VPS13B: variants seen among roughly 807,000 people sequenced by gnomAD.
The protein encoded by VPS13B is vacuolar protein sorting 13 homolog B, also known as intermembrane lipid transfer protein VPS13B.
Under a neutral mutation model 426.4 loss-of-function variants are expected in VPS13B, and 285 were observed. The observed-to-expected ratio is 0.67, with a 90% CI of 0.61 to 0.74. The LOEUF (loss-of-function observed/expected upper bound fraction) is 0.74, where lower values mean the gene tolerates loss of function less well. Ranked by LOEUF, VPS13B falls within the 30% of genes least tolerant of loss-of-function variation. The probability of loss-of-function intolerance (pLI) is 0.00; values close to 1 mark genes in which losing one functional copy is unlikely to be tolerated. For synonymous variants in VPS13B, 1,676 were observed against 1,676.4 expected, an observed-to-expected ratio of 1.00 and a Z score of 0.01; for missense variants, 4,537 against 4,782.6, an observed-to-expected ratio of 0.95 and a Z score of 1.51.
chr8:99,086,409 C>T (rs1845804025), intron 3 of VPS13B, among the ~76,000 whole-genome samples: 1 of 152,004 alleles, frequency 6.6e-6, no homozygotes, highest in Non-Finnish European at 1.5e-5. Flanking sequence ...TTCGAACTTC[C>T]TCCTTTAGCT....
At chr8:99,870,495 C>G (rs76837451) in intron 59 of VPS13B, among the ~76,000 whole-genome samples, 5,269 of 152,236 alleles carry the variant, frequency 0.035, 108 homozygotes, top group Non-Finnish European at 0.041. Context: ...AAAATGATGT[C>G]TAGGCTATTG....
intron 33 of VPS13B, among the ~76,000 whole-genome samples, chr8:99,628,884 C>T (rs1828725901): frequency 6.6e-6 from 1 of 151,962 alleles, no homozygotes; most frequent in Non-Finnish European, 1.5e-5. Context: ...CTCAAGCTAT[C>T]CTCCCAAGTA....
intron 19 of VPS13B, among the ~76,000 whole-genome samples, chr8:99,306,382 T>C (rs545350151): frequency 1.3e-5 from 2 of 151,988 alleles, no homozygotes; most frequent in African/African-American, 4.8e-5. Flanking sequence ...TATTTGACTA[T>C]TAAGTGAGAA....
At chr8:99,378,111 A>AC (rs1380461663) in intron 19 of VPS13B, among the ~76,000 whole-genome samples, 2 of 109,502 alleles carry the variant, frequency 1.8e-5, no homozygotes, top group South Asian at 2.9e-4. Flanking sequence ...TAAGGCGGAC[A>AC]CCCCCAGAGC....
chr8:99,511,260 C>A lies in VPS13B; in HGVS notation c.4381C>A (p.Pro1461Thr). ...ATCTGAAGGCCTAATGGATGGTTCTCCTCATTTTCTTCATGAAATTCTTCT... is the reference window on the plus strand; with the variant it reads ...ATCTGAAGGCCTAATGGATGGTTCTACTCATTTTCTTCATGAAATTCTTCT... ...KLSEGLMDGS[P>T]HFLHEILLSA... The change falls in exon 29 of 62, where the codon CCT becomes ACT. Residue 1461 changes from proline to threonine, a missense_variant. Around this residue, in one of 2 missense-constraint regions of VPS13B, gnomAD observed 4,311 missense variants for 4,474.3 expected, o/e 0.96. Transcript: ENST00000357162. The A allele has an allele frequency of 6.2e-7, 1 of 1,614,096 alleles. No homozygotes were observed. The highest frequency in any genetic ancestry group is 8.5e-7 in the Non-Finnish European group (1 of 1,180,000).
chr8:99,714,138 CAAA>C (rs1166159886), intron 36 of VPS13B, among the ~76,000 whole-genome samples: 3 of 65,136 alleles, frequency 4.6e-5, no homozygotes, highest in Admixed American at 3.4e-4. Context: ...GACTCTGTCT[CAAA>C]AAAAAAAAAA....
intron 60 of VPS13B, 51 bp downstream of exon 60, chr8:99,870,938 T>C (rs748572685): frequency 6.4e-6 from 10 of 1,571,144 alleles, no homozygotes; most frequent in Middle Eastern, 1.7e-4. Context: ...TGTATGTTAA[T>C]AGCTCCTGGC....
chr8:99,769,224 T>A (rs1210228267), intron 40 of VPS13B, among the ~76,000 whole-genome samples: 1 of 152,186 alleles, frequency 6.6e-6, no homozygotes, highest in African/African-American at 2.4e-5. Flanking sequence ...TTAAATTGTT[T>A]GAGACTAATC....
chr8:99,178,819 C>T (rs866942862), intron 16 of VPS13B, among the ~76,000 whole-genome samples: 3 of 151,544 alleles, frequency 2.0e-5, no homozygotes, highest in Admixed American at 6.6e-5. Flanking sequence ...ATGGGGTTTC[C>T]GCATGTTGGC....
intron 4 of VPS13B, among the ~76,000 whole-genome samples, chr8:99,098,805 T>C (rs1670841223): frequency 6.6e-6 from 1 of 152,172 alleles, no homozygotes; most frequent in Admixed American, 6.5e-5. Flanking sequence ...TGGAAAATGC[T>C]ATCATACATT....
At chr8:99,704,643 A>T (rs1832424330) in intron 36 of VPS13B, among the ~76,000 whole-genome samples, 1 of 152,182 alleles carries the variant, frequency 6.6e-6, no homozygotes, top group Non-Finnish European at 1.5e-5. Flanking sequence ...TTAACTTTTA[A>T]GCAGCCACTG....
chr8:99,497,168 T>G (rs987184737), intron 25 of VPS13B, among the ~76,000 whole-genome samples: 1 of 134,614 alleles, frequency 7.4e-6, no homozygotes, highest in African/African-American at 2.9e-5. Flanking sequence ...TAAAAATATA[T>G]TTATATATTT....
intron 24 of VPS13B, among the ~76,000 whole-genome samples, chr8:99,478,967 A>G (rs912230900): frequency 3.3e-5 from 5 of 152,066 alleles, no homozygotes; most frequent in African/African-American, 4.8e-5. Flanking sequence ...CACTAAATTG[A>G]TTGGTGAAAT....
intron 51 of VPS13B, among the ~76,000 whole-genome samples, chr8:99,829,508 G>A (rs117162238): frequency 0.022 from 3,310 of 151,968 alleles, 63 homozygotes; most frequent in Non-Finnish European, 0.03. Flanking sequence ...ACCTTTTATC[G>A]CGGTTCTTAG....
At position 99,778,958 on chromosome 8, in the gene VPS13B, T is replaced by C. The variant is rs1434588029; in HGVS notation, c.7706T>C (p.Val2569Ala). The C allele has an allele frequency of 6.2e-7, 1 of 1,613,868 alleles. No individual in the cohort carries two copies. Among genetic ancestry groups the C allele is most frequent in the Non-Finnish European group, 8.5e-7 (1 of 1,179,898 alleles). ...AAGCTGCTTGACTGCACCGTGATAG[T>C]TGATTCTGTATTTGTAAACCTTGGA... Reference protein sequence around the residue: ...VEKLLDCTVIVDSVFVNLGQH... With the variant: ...VEKLLDCTVIADSVFVNLGQH... The change falls in exon 42 of 62, where the codon GTT (valine) becomes GCT (alanine). Residue 2569 changes from valine to alanine, a missense_variant. Val to Ala is a moderately conservative substitution (Grantham distance 64). Coordinates refer to ENST00000357162, the MANE Select transcript of VPS13B (RefSeq NM_152564.5).
At chr8:99,106,268 C>T (rs963765446) in intron 5 of VPS13B, among the ~76,000 whole-genome samples, 2 of 151,486 alleles carry the variant, frequency 1.3e-5, no homozygotes, top group Admixed American at 6.6e-5. Context: ...ACCATCTCTA[C>T]TAAAAATACA....
At chr8:99,333,704 C>T (rs1331983659) in intron 19 of VPS13B, among the ~76,000 whole-genome samples, 1 of 151,910 alleles carries the variant, frequency 6.6e-6, no homozygotes, top group Non-Finnish European at 1.5e-5. Context: ...GTCTTAACCA[C>T]TGGCATCTAC....
chr8:99,153,331 C>A (rs1385321243), intron 14 of VPS13B, among the ~76,000 whole-genome samples: 1 of 152,166 alleles, frequency 6.6e-6, no homozygotes, highest in Non-Finnish European at 1.5e-5. Context: ...CTAACATCAA[C>A]CATACTTCTT....
intron 33 of VPS13B, among the ~76,000 whole-genome samples, chr8:99,623,400 A>G (rs1828453393): frequency 6.6e-6 from 1 of 152,146 alleles, no homozygotes; most frequent in Admixed American, 6.6e-5. Context: ...CATACTGCAT[A>G]TTATTTACTT....
Sources: gnomAD v4.1 joint callset for allele counts (sites outside exome capture counted in the v4.1 genomes callset) on GRCh38, gnomAD v4.1.1 for gene constraint, gnomAD v4.1.1 regional missense constraint, MANE v1.5 for transcripts, NCBI Gene and HGNC (gene_info 2026-07-23, HGNC 2026-07-21) for gene names.